FHOD3: variants seen among roughly 807,000 people sequenced by gnomAD.
The protein encoded by FHOD3 is FH1/FH2 domain-containing protein 3.
FHOD3 carries 90 observed loss-of-function variants against 173.0 expected under a neutral mutation model. The observed-to-expected ratio is 0.52, with a 90% CI of 0.44 to 0.62. FHOD3 has a LOEUF of 0.62. Among genes scored for constraint, FHOD3 ranks in the 20% least tolerant of loss-of-function variants. The pLI is 0.00. For missense variants in FHOD3, 1,945 were observed against 2,034.7 expected, an observed-to-expected ratio of 0.96 and a Z score of 0.85; for synonymous variants, 828 against 823.0, an observed-to-expected ratio of 1.01 and a Z score of -0.10.
At chr18:36,389,736 A>G (rs1329953759) in intron 3 of FHOD3, among the ~76,000 whole-genome samples, 2 of 152,080 alleles carry the variant, frequency 1.3e-5, no homozygotes, top group Non-Finnish European at 2.9e-5. Context: ...TATTCCAGAG[A>G]GAGCAGGGAA....
chr18:36,446,410 C>CT (rs370689817), intron 3 of FHOD3, among the ~76,000 whole-genome samples: 42,556 of 143,972 alleles, frequency 0.3, 7,206 homozygotes, highest in East Asian at 0.56. Context: ...CCTCTGCGGA[C>CT]TTTTTTTTTT....
At chr18:36,479,187 G>A (rs566591743) in intron 3 of FHOD3, among the ~76,000 whole-genome samples, 2 of 152,316 alleles carry the variant, frequency 1.3e-5, no homozygotes, top group East Asian at 3.9e-4. Flanking sequence ...TGAGCCACAT[G>A]CATAAATTAA....
intron 10 of FHOD3, among the ~76,000 whole-genome samples, chr18:36,630,575 A>G (rs1052081893): frequency 5.3e-5 from 8 of 152,226 alleles, no homozygotes; most frequent in Admixed American, 1.3e-4. Context: ...ACACCAGCAT[A>G]AAACAAGTTG....
At chr18:36,427,020 C>G (rs74618770) in intron 3 of FHOD3, among the ~76,000 whole-genome samples, 1 of 152,246 alleles carries the variant, frequency 6.6e-6, no homozygotes, top group Non-Finnish European at 1.5e-5. Flanking sequence ...TTAAATAAGG[C>G]ACACATTGAG....
intron 19 of FHOD3, among the ~76,000 whole-genome samples, chr18:36,720,206 G>A (rs1053667198): frequency 6.6e-6 from 1 of 150,538 alleles, no homozygotes; most frequent in Admixed American, 6.6e-5. Flanking sequence ...ACCAAGTGGT[G>A]CCGAGCCATC....
At chr18:36,658,535 T>G (rs777677672) in intron 14 of FHOD3, among the ~76,000 whole-genome samples, 8 of 152,204 alleles carry the variant, frequency 5.3e-5, no homozygotes, top group Non-Finnish European at 1.2e-4. Flanking sequence ...ACACATCAGT[T>G]TTCACCATTG....
chr18:36,720,425 A>G (rs921967462), intron 19 of FHOD3, among the ~76,000 whole-genome samples: 5 of 151,764 alleles, frequency 3.3e-5, no homozygotes, highest in African/African-American at 4.8e-5. Flanking sequence ...TTTAGTAGAG[A>G]TGGGGTTTCA....
intron 14 of FHOD3, among the ~76,000 whole-genome samples, chr18:36,667,356 TTG>T (rs1182299258): frequency 2.0e-5 from 3 of 152,232 alleles, no homozygotes; most frequent in African/African-American, 7.2e-5. Context: ...GAAGAATTTC[TTG>T]AAAGACAAAA....
chr18:36,554,814 G>C (rs1007323765), intron 5 of FHOD3, among the ~76,000 whole-genome samples: 3 of 152,036 alleles, frequency 2.0e-5, no homozygotes, highest in African/African-American at 7.2e-5. Context: ...TTGTTATTTT[G>C]TACCTCTCTA....
At chr18:36,694,980 T>TGTGG (rs1448890667) in intron 17 of FHOD3, among the ~76,000 whole-genome samples, 2 of 150,628 alleles carry the variant, frequency 1.3e-5, no homozygotes, top group East Asian at 3.9e-4. Flanking sequence ...TACGTGGGTG[T>TGTGG]GTGTGTGTGT....
rs995690539 is a variant in FHOD3 at position 36,780,200 on chromosome 18, T to C, written c.*670T>C. 1.6e-6 allele frequency: 2 copies of C among 1,231,584 alleles called. No individual in the cohort carries two copies. The highest frequency in any genetic ancestry group is 4.1e-5 in the South Asian group (1 of 24,312). The allele number at this position is 1,231,584 out of a possible 1,614,324, so 76.3% of individuals were successfully genotyped here. ...TCAGATCCTTTGGGCTGTATTTTGT[T>C]AATAGAGTGAGTAACATCAACAGTG... On this transcript the variant is annotated 3_prime_UTR_variant, in exon 29 of 29. Coordinates refer to ENST00000590592, the MANE Select transcript of FHOD3 (RefSeq NM_001281740.3).
intron 5 of FHOD3, among the ~76,000 whole-genome samples, chr18:36,542,824 T>C (rs1055733226): frequency 5.9e-5 from 9 of 152,084 alleles, no homozygotes; most frequent in African/African-American, 1.9e-4. Context: ...ACACCTAATA[T>C]ATTTGGAAGC....
intron 3 of FHOD3, among the ~76,000 whole-genome samples, chr18:36,436,020 G>GA (rs1255907235): frequency 6.6e-6 from 1 of 152,018 alleles, no homozygotes; most frequent in Non-Finnish European, 1.5e-5. Context: ...GTCTGGGTAT[G>GA]AAAAAAATGT....
chr18:36,306,941 T>C (rs1424311242), intron 1 of FHOD3, among the ~76,000 whole-genome samples: 1 of 152,074 alleles, frequency 6.6e-6, no homozygotes, highest in Non-Finnish European at 1.5e-5. Context: ...GGCCTTGGAG[T>C]ATAGCCTTTC....
chr18:36,675,095 G>C (rs1387193825), intron 14 of FHOD3, among the ~76,000 whole-genome samples: 1 of 152,108 alleles, frequency 6.6e-6, no homozygotes, highest in East Asian at 1.9e-4. Flanking sequence ...GTGATTGTCA[G>C]CACACTGGGT....
chr18:36,416,142 C>T (rs4107988), intron 3 of FHOD3, among the ~76,000 whole-genome samples: 30,261 of 152,132 alleles, frequency 0.2, 3,281 homozygotes, highest in South Asian at 0.34. Flanking sequence ...AAGCAATTCT[C>T]CTGCCTCAGC....
At chr18:36,478,328 A>G (rs1287858144) in intron 3 of FHOD3, among the ~76,000 whole-genome samples, 1 of 152,184 alleles carries the variant, frequency 6.6e-6, no homozygotes, top group Non-Finnish European at 1.5e-5. Context: ...TTTATGGGAT[A>G]TACATGCGAT....
At chr18:36,646,903 T>A (rs2035721522) in intron 10 of FHOD3, among the ~76,000 whole-genome samples, 1 of 152,146 alleles carries the variant, frequency 6.6e-6, no homozygotes, top group Non-Finnish European at 1.5e-5. Context: ...GGGAAAGATG[T>A]TTACAGAACA....
chr18:36,405,059 A>G (rs985668097), intron 3 of FHOD3, among the ~76,000 whole-genome samples: 6 of 152,220 alleles, frequency 3.9e-5, no homozygotes, highest in African/African-American at 9.6e-5. Flanking sequence ...GGCAAGCCCC[A>G]GTGCCCTTGG....
Sources: gnomAD v4.1 joint callset for allele counts (sites outside exome capture counted in the v4.1 genomes callset) on GRCh38, gnomAD v4.1.1 for gene constraint, MANE v1.5 for transcripts, NCBI Gene and HGNC (gene_info 2026-07-23, HGNC 2026-07-21) for gene names.